LRBA: variants seen among roughly 807,000 people sequenced by gnomAD.
The protein encoded by LRBA is LPS responsive beige-like anchor protein, also known as lipopolysaccharide-responsive and beige-like anchor protein.
Under a neutral mutation model 330.0 loss-of-function variants are expected in LRBA, and 176 were observed. That is an observed-to-expected ratio of 0.53 (90% CI 0.47 to 0.60). LRBA has a LOEUF of 0.60. LRBA is among the 20% of genes least tolerant of loss of function. The pLI is 0.00. For missense variants in LRBA, 3,259 were observed against 3,444.8 expected (o/e 0.95, Z 1.35); for synonymous variants, 1,230 against 1,193.0 (o/e 1.03, Z -0.64).
chr4:150,512,956 A>T (rs1022344525), intron 40 of LRBA, among the ~76,000 whole-genome samples: 1 of 152,238 alleles, frequency 6.6e-6, no homozygotes, highest in East Asian at 1.9e-4. Context: ...GTAACATAAT[A>T]GCTTCCAAGA....
intron 46 of LRBA, among the ~76,000 whole-genome samples, chr4:150,418,608 T>C (rs1173528957): frequency 2.0e-5 from 3 of 152,216 alleles, no homozygotes; most frequent in Non-Finnish European, 2.9e-5. Context: ...ATTTCAAAAT[T>C]AAAAATTTAA....
chr4:150,865,723 T>TTC (rs996971203), intron 22 of LRBA, among the ~76,000 whole-genome samples: 6 of 151,536 alleles, frequency 4.0e-5, no homozygotes, highest in African/African-American at 1.5e-4. Context: ...TATTCTTTTT[T>TTC]TTTTTTTTTT....
At chr4:150,374,389 G>A (rs1237954226) in intron 47 of LRBA, among the ~76,000 whole-genome samples, 1 of 152,172 alleles carries the variant, frequency 6.6e-6, no homozygotes, top group Admixed American at 6.5e-5. Context: ...AAAGGAATGG[G>A]CATAGTTCCT....
In LRBA at chr4:150,566,417, T is replaced by C. The variant is rs147409111; in HGVS notation, c.6330+21631A>G. On this transcript the variant is annotated intron_variant, in intron 40 of 56. Transcript: ENST00000651943. ...AAGATTAAATTATATCTGGATTGTA[T>C]CTGAATCAAGGATATAAGATAATTC... Among the ~76,000 whole-genome samples the C allele has an allele frequency of 3.5e-3, 527 of 152,190 alleles. 5 individuals are homozygous for C. The highest frequency in any genetic ancestry group is 6.0e-3 in the Non-Finnish European group (408 of 67,986).
chr4:150,579,370 G>A (rs759193650), intron 40 of LRBA: 11 of 454,762 alleles, frequency 2.4e-5, no homozygotes, highest in South Asian at 1.2e-4. Context: ...GTTGGGGTGG[G>A]GGAGGGGGGA....
At chr4:150,467,297 A>G (rs1292823112) in intron 44 of LRBA, among the ~76,000 whole-genome samples, 1 of 152,128 alleles carries the variant, frequency 6.6e-6, no homozygotes, top group East Asian at 1.9e-4. Context: ...AAAGAGAAAG[A>G]ATTAAACTTC....
intron 2 of LRBA, chr4:151,013,492 C>A (rs1046745610): frequency 3.9e-5 from 6 of 152,134 alleles, no homozygotes; most frequent in East Asian, 1.9e-4. Flanking sequence ...CAGAGTGAGA[C>A]CTCATCTCTA....
At chr4:150,420,444 T>A (rs189902194) in intron 46 of LRBA, among the ~76,000 whole-genome samples, 2 of 80,978 alleles carry the variant, frequency 2.5e-5, no homozygotes, top group Admixed American at 2.8e-4. Flanking sequence ...ATATAATACA[T>A]ATATAATATA....
intron 2 of LRBA, among the ~76,000 whole-genome samples, chr4:151,000,521 A>G (rs943333868): frequency 1.3e-5 from 2 of 152,220 alleles, no homozygotes; most frequent in Non-Finnish European, 2.9e-5. Context: ...CTGCAATACC[A>G]TGACAGTCAA....
At chr4:150,642,284 C>CA (rs1778754391) in intron 37 of LRBA, among the ~76,000 whole-genome samples, 1 of 151,368 alleles carries the variant, frequency 6.6e-6, no homozygotes, top group African/African-American at 2.4e-5. Context: ...TTCTTATGCA[C>CA]AAAAAATAGA....
At chr4:150,990,588 T>C (rs996717939) in intron 2 of LRBA, among the ~76,000 whole-genome samples, 3 of 151,424 alleles carry the variant, frequency 2.0e-5, no homozygotes, top group Admixed American at 6.6e-5. Flanking sequence ...ACAAAAGAAT[T>C]AGCCAGGTGT....
intron 29 of LRBA, among the ~76,000 whole-genome samples, chr4:150,828,920 G>GT (rs1746694525): frequency 1.9e-4 from 10 of 53,238 alleles, no homozygotes; most frequent in South Asian, 9.0e-4. Context: ...ATCTTTTTTG[G>GT]GGGTGTGTGT....
rs547243631 is a variant in LRBA, at chr4:151,000,850, C to G, written c.216+13577G>C. On this transcript the variant is annotated intron_variant, in intron 2 of 56. Transcript: ENST00000651943. ...TCAATAGAAAAATGACAAGAAACAC[C>G]TAAAGAAAGGAAGGAGAGGGAAACA... Among the ~76,000 whole-genome samples the G allele has an allele frequency of 7.2e-5, 11 of 152,226 alleles. No individual in the cohort carries two copies. In the South Asian group the frequency reaches 2.3e-3, roughly 32 times the overall value.
chr4:150,908,563 G>T, intron 10 of LRBA, 96 bp from the exon 11 acceptor site: 1 of 1,436,362 alleles, frequency 7.0e-7, no homozygotes, highest in Non-Finnish European at 9.5e-7. Context: ...CACTATAAAC[G>T]TGACATTCCA....
chr4:150,890,560 T>C (rs1167726707), intron 17 of LRBA, among the ~76,000 whole-genome samples: 3 of 152,054 alleles, frequency 2.0e-5, no homozygotes, highest in South Asian at 2.1e-4. Context: ...AAAGAGGAGA[T>C]AGATGGTTTT....
Position 150,490,983 on chromosome 4 carries a change from C to G in LRBA, c.6383G>C (p.Arg2128Pro). Residue 2128 changes from arginine to proline, a missense_variant, in exon 41 of 57, where the codon CGA (arginine) becomes CCA (proline). Transcript: ENST00000651943. ...LHGKWLFTEI[R>P]SIFSRRYLLQ... is the part of the protein sequence containing the mutation. ...AAGATAACGACGAGAAAAGATTGAT[C>G]GTATCTCTGTGAACAGCCATTTTCC... 1 of 1,609,442 alleles carries G rather than the reference C, an allele frequency of 6.2e-7. No individual in the cohort carries two copies. Among genetic ancestry groups the G allele is most frequent in the Non-Finnish European group, 8.5e-7 (1 of 1,177,108 alleles).
chr4:150,585,174 G>A (rs1339722270), intron 40 of LRBA, among the ~76,000 whole-genome samples: 2 of 152,062 alleles, frequency 1.3e-5, no homozygotes, highest in Non-Finnish European at 2.9e-5. Flanking sequence ...CAAGCTTTGA[G>A]TGATAAAAAT....
chr4:150,732,515 A>C (rs960141270), intron 36 of LRBA, among the ~76,000 whole-genome samples: 2 of 152,064 alleles, frequency 1.3e-5, no homozygotes, highest in African/African-American at 4.8e-5. Context: ...AAATTGATAG[A>C]TAATAATTTA....
intron 40 of LRBA, among the ~76,000 whole-genome samples, chr4:150,540,289 G>T (rs891159553): frequency 6.6e-6 from 1 of 152,050 alleles, no homozygotes; most frequent in African/African-American, 2.4e-5. Context: ...GCGCGATCTC[G>T]GCTCACTGCA....
Sources: allele counts gnomAD v4.1 joint callset (sites outside exome capture counted in the v4.1 genomes callset), GRCh38; gene constraint gnomAD v4.1.1; transcripts MANE v1.5; gene names NCBI Gene and HGNC (gene_info 2026-07-23, HGNC 2026-07-21).